HOMER2: variants seen among roughly 807,000 people sequenced by gnomAD.
The protein encoded by HOMER2 is homer scaffold protein 2, also known as homer protein homolog 2.
A neutral mutation model predicts 47.0 loss-of-function variants in HOMER2; 27 were observed. The observed-to-expected ratio is 0.57, with a 90% CI of 0.42 to 0.79. The LOEUF (loss-of-function observed/expected upper bound fraction) is 0.79. Ranked by LOEUF, HOMER2 falls within the 30% of genes least tolerant of loss-of-function variation. The pLI, the probability that HOMER2 is intolerant of heterozygous loss-of-function variation, is 0.00. For missense variants in HOMER2, 443 were observed against 435.0 expected (o/e 1.02, Z -0.16); for synonymous variants, 161 against 163.8 (o/e 0.98, Z 0.13).
chr15:82,858,787 A>ATC (rs772895332), intron 5 of HOMER2, among the ~76,000 whole-genome samples: 1 of 151,794 alleles, frequency 6.6e-6, no homozygotes, highest in African/African-American at 2.4e-5. Context: ...TACTCACAAT[A>ATC]TCTCTCTCTC....
intron 1 of HOMER2, among the ~76,000 whole-genome samples, chr15:82,893,625 CTTTT>C (rs537549847): frequency 4.4e-5 from 6 of 134,972 alleles, no homozygotes; most frequent in Non-Finnish European, 6.4e-5. Flanking sequence ...GCCACTGCGC[CTTTT>C]TTTTTTTTTT....
At chr15:82,950,023 C>T (rs1181204675) in intron 1 of HOMER2, among the ~76,000 whole-genome samples, 4 of 151,904 alleles carry the variant, frequency 2.6e-5, no homozygotes, top group Non-Finnish European at 4.4e-5. Context: ...AGAAGGGGCC[C>T]CTAGTAGGAA....
At chr15:82,852,304 T>C in intron 6 of HOMER2, 52 bp from the exon 7 acceptor site, 2 of 1,265,618 alleles carry the variant, frequency 1.6e-6, no homozygotes. Flanking sequence ...ACATTAGTCA[T>C]TAAGCAAGAG....
upstream of HOMER2, among the ~76,000 whole-genome samples, chr15:82,957,279 C>CAAA (rs35127526): frequency 1.4e-5 from 1 of 72,782 alleles, no homozygotes. Context: ...GACTCCGTCT[C>CAAA]AAAAAAAAAA....
At chr15:82,898,495 T>C (rs1442730175) in intron 1 of HOMER2, 1 of 152,236 alleles carries the variant, frequency 6.6e-6, no homozygotes, top group Admixed American at 6.5e-5. Context: ...AAAGCAGATG[T>C]TTCCGGATGG....
rs142921923 is a variant in HOMER2, at chr15:82,880,018, C to T, written c.163-4614G>A. On this transcript the variant is annotated intron_variant, in intron 2 of 8. Transcript: ENST00000450735. ...GAAGGAAGTTACAAAAGAACACATA[C>T]ATTATGAGTCTCTAGTATGATTCTA... Among the ~76,000 whole-genome samples the T allele has an allele frequency of 1.2e-3, 175 of 152,122 alleles. 2 individuals are homozygous for T. The highest frequency in any genetic ancestry group is 4.1e-3 in the African/African-American group (171 of 41,496).
chr15:82,911,448 G>A (rs958623370), intron 1 of HOMER2, among the ~76,000 whole-genome samples: 1 of 151,868 alleles, frequency 6.6e-6, no homozygotes, highest in East Asian at 1.9e-4. Context: ...TAGGTTTAGG[G>A]GAAAAAAAGC....
intron 3 of HOMER2, among the ~76,000 whole-genome samples, chr15:82,870,218 G>T (rs1310276385): frequency 6.6e-6 from 1 of 152,124 alleles, no homozygotes; most frequent in Admixed American, 6.6e-5. Context: ...AGTTTTTCTG[G>T]AGCAGGAAAT....
At chr15:82,914,378 T>TAAAAAAAAAAAAAA (rs755003013) in intron 1 of HOMER2, among the ~76,000 whole-genome samples, 1 of 108,948 alleles carries the variant, frequency 9.2e-6, no homozygotes, top group Non-Finnish European at 1.9e-5. Flanking sequence ...ACTCCATCTT[T>TAAAAAAAAAAAAAA]AAAAAAAAAA....
intron 1 of HOMER2, among the ~76,000 whole-genome samples, chr15:82,906,156 C>A (rs774262790): frequency 2.7e-5 from 4 of 150,922 alleles, no homozygotes; most frequent in African/African-American, 7.4e-5. Context: ...CTATGGCAGC[C>A]AGTAAAAAAG....
intron 1 of HOMER2, among the ~76,000 whole-genome samples, chr15:82,948,037 G>C (rs1942839543): frequency 6.6e-6 from 1 of 152,168 alleles, no homozygotes; most frequent in East Asian, 1.9e-4. Context: ...TTGAGGCCAA[G>C]GGTTCAAGAC....
chr15:82,960,770 A>C (rs962647195), intron 1 of HOMER2, among the ~76,000 whole-genome samples: 4 of 151,568 alleles, frequency 2.6e-5, no homozygotes, highest in Non-Finnish European at 4.4e-5. Context: ...CTCCAGCCCC[A>C]TCTGGGAGGC....
chr15:82,877,687 C>T (rs894358387), intron 2 of HOMER2, among the ~76,000 whole-genome samples: 1 of 152,174 alleles, frequency 6.6e-6, no homozygotes, highest in Non-Finnish European at 1.5e-5. Context: ...TACGGTCCAG[C>T]TGACTTTTCC....
At chr15:82,982,366 A>G (rs1236205286) in intron 1 of HOMER2, among the ~76,000 whole-genome samples, 1 of 152,234 alleles carries the variant, frequency 6.6e-6, no homozygotes, top group African/African-American at 2.4e-5. Context: ...TCAGAAAATG[A>G]GACATAATAA....
intron 1 of HOMER2, among the ~76,000 whole-genome samples, chr15:82,939,004 C>T (rs2054203091): frequency 6.6e-6 from 1 of 152,174 alleles, no homozygotes; most frequent in Non-Finnish European, 1.5e-5. Flanking sequence ...CATCTTTATC[C>T]TTCTTGACTT....
At chr15:82,930,324 C>T (rs2053974452) in intron 1 of HOMER2, among the ~76,000 whole-genome samples, 1 of 152,204 alleles carries the variant, frequency 6.6e-6, no homozygotes, top group Non-Finnish European at 1.5e-5. Flanking sequence ...CCCGGCAGAA[C>T]TCACTCTTCC....
chr15:82,929,019 T>C (rs964804866), intron 1 of HOMER2, among the ~76,000 whole-genome samples: 12 of 144,374 alleles, frequency 8.3e-5, no homozygotes, highest in South Asian at 2.1e-4. Context: ...GTGTGAATCA[T>C]TGCTGGGTAT....
At chr15:82,851,089 A>T in intron 8 of HOMER2, 62 bp downstream of exon 8, 1 of 1,039,932 alleles carries the variant, frequency 9.6e-7, no homozygotes, top group Non-Finnish European at 1.5e-6. Context: ...CAGGAAAATG[A>T]GTACCATGAC....
At chr15:82,983,227 T>C (rs1197011784) in intron 1 of HOMER2, among the ~76,000 whole-genome samples, 1 of 152,230 alleles carries the variant, frequency 6.6e-6, no homozygotes. Context: ...AATGTTTGTA[T>C]AGGTATTCAA....
Sources: gnomAD v4.1 joint callset for allele counts (sites outside exome capture counted in the v4.1 genomes callset) on GRCh38, gnomAD v4.1.1 for gene constraint, MANE v1.5 for transcripts, NCBI Gene and HGNC (gene_info 2026-07-23, HGNC 2026-07-21) for gene names.